Variants in CUL1 observed in about 807,000 individuals in gnomAD.
CUL1 encodes the protein cullin 1, also known as cullin-1.
CUL1 carries 24 observed loss-of-function variants against 118.0 expected under a neutral mutation model. The ratio of observed to expected loss-of-function variants is 0.20; its 90% CI spans 0.15 to 0.29. The LOEUF (loss-of-function observed/expected upper bound fraction) is 0.29. Among genes scored for constraint, CUL1 ranks in the 10% least tolerant of loss-of-function variants. CUL1 has a pLI of 1.00. For synonymous variants in CUL1, 332 were observed against 340.4 expected (o/e 0.98, Z 0.27); for missense variants, 361 against 933.8 (o/e 0.39, Z 7.99).
At chr7:148,713,619 G>A (rs10046566) in intron 1 of CUL1, among the ~76,000 whole-genome samples, 11,280 of 152,144 alleles carry the variant, frequency 0.074, 1,296 homozygotes, top group African/African-American at 0.25. Flanking sequence ...GATGTTTATA[G>A]GAGAAAATTC....
intron 1 of CUL1, among the ~76,000 whole-genome samples, chr7:148,726,844 A>T (rs1004090252): frequency 4.6e-5 from 7 of 150,978 alleles, no homozygotes; most frequent in African/African-American, 1.7e-4. Flanking sequence ...AAAAAAAAAA[A>T]AAAAAATTTT....
intron 1 of CUL1, among the ~76,000 whole-genome samples, chr7:148,703,310 A>G (rs1018035166): frequency 8.5e-5 from 13 of 152,216 alleles, no homozygotes; most frequent in African/African-American, 2.2e-4. Flanking sequence ...AGACACGAAC[A>G]GTTCTGGAAC....
chr7:148,798,464 C>A, intron 19 of CUL1, 108 bp from the exon 20 acceptor site: 2 of 742,150 alleles, frequency 2.7e-6, no homozygotes, highest in Non-Finnish European at 2.3e-6. Flanking sequence ...ACATTCTCCC[C>A]TCTGTCTAGG....
At chr7:148,784,680 GT>G (rs1433392720) in intron 11 of CUL1, among the ~76,000 whole-genome samples, 1 of 152,106 alleles carries the variant, frequency 6.6e-6, no homozygotes, top group African/African-American at 2.4e-5. Context: ...ACAACAATAA[GT>G]TTTAAAGATT....
At chr7:148,710,371 A>G (rs953847848) in intron 1 of CUL1, among the ~76,000 whole-genome samples, 5 of 152,086 alleles carry the variant, frequency 3.3e-5, no homozygotes, top group Admixed American at 6.5e-5. Context: ...GGAGTTCGAG[A>G]CCAGCCTGAC....
At chr7:148,784,540 A>T (rs947741877) in intron 11 of CUL1, among the ~76,000 whole-genome samples, 1 of 152,220 alleles carries the variant, frequency 6.6e-6, no homozygotes, top group South Asian at 2.1e-4. Flanking sequence ...GCAATATAAT[A>T]TATAGCTTTC....
Position 148,787,811 on chromosome 7 carries a change from C to G in CUL1, c.1479+691C>G, listed in dbSNP as rs1001726400. ...ACTTTGCTGTCACGCAGCCCTTCCT[C>G]TGCCACCTCCTTTGCGTGCCTGTGT... On this transcript the variant is annotated intron_variant, in intron 13 of 21. Coordinates refer to ENST00000325222, the MANE Select transcript of CUL1 (RefSeq NM_003592.3). The surrounding 1 kb of genome is among the most constrained non-coding windows in gnomAD (Gnocchi z 5.5). Among the ~76,000 whole-genome samples, 1 of 152,244 alleles carries G rather than the reference C, an allele frequency of 6.6e-6. No individual in the cohort carries two copies. The highest frequency in any genetic ancestry group is 1.5e-5 in the Non-Finnish European group (1 of 68,044).
At chr7:148,781,449 T>G (rs1800629762) in intron 9 of CUL1, among the ~76,000 whole-genome samples, 1 of 152,216 alleles carries the variant, frequency 6.6e-6, no homozygotes, top group African/African-American at 2.4e-5. Flanking sequence ...CCAGCCAGAC[T>G]GCTGTAGTTG....
rs549655590 is a variant in CUL1 at position 148,705,342 on chromosome 7, TTAAGA to T, written c.-162+6319_-162+6323del. Among the ~76,000 whole-genome samples the T allele has an allele frequency of 2.4e-4, 37 of 152,336 alleles. 1 individual carries two copies. In the South Asian group the frequency reaches 7.7e-3, roughly 32 times the overall value. ...ATCTTTAAACTTAATGTCATTATGC[TTAAGA>T]TAAGAATTTGCTAAAAATTAGAAAA... is the stretch of plus-strand genomic sequence containing the variant. On this transcript the variant is annotated intron_variant, in intron 1 of 21. Coordinates refer to ENST00000325222, the MANE Select transcript of CUL1 (RefSeq NM_003592.3).
intron 1 of CUL1, among the ~76,000 whole-genome samples, chr7:148,708,445 C>G (rs1458717037): frequency 6.6e-6 from 1 of 152,240 alleles, no homozygotes; most frequent in African/African-American, 2.4e-5. Context: ...ATACCTTCCT[C>G]TTTGGCCCCG....
intron 1 of CUL1, among the ~76,000 whole-genome samples, chr7:148,721,095 T>G (rs1798381719): frequency 1.3e-5 from 2 of 152,236 alleles, no homozygotes; most frequent in South Asian, 4.1e-4. Context: ...GAGCTTGAAC[T>G]TTCCAGTCTC....
chr7:148,788,822 C>T (rs958766541), intron 14 of CUL1, 148 bp downstream of exon 14: 13 of 647,844 alleles, frequency 2.0e-5, no homozygotes, highest in Non-Finnish European at 2.7e-5. Context: ...AATGCCCAGC[C>T]CTCCTCCCCC....
intron 9 of CUL1, among the ~76,000 whole-genome samples, chr7:148,781,948 T>C (rs908236207): frequency 6.6e-6 from 1 of 152,228 alleles, no homozygotes; most frequent in African/African-American, 2.4e-5. Flanking sequence ...GGAAGCAAAT[T>C]GAGTCCTTCA....
At chr7:148,744,032 T>A (rs1799229898) in intron 2 of CUL1, among the ~76,000 whole-genome samples, 1 of 152,248 alleles carries the variant, frequency 6.6e-6, no homozygotes, top group Non-Finnish European at 1.5e-5. Context: ...TTTTTATCCC[T>A]GGTAGTAATT....
chr7:148,738,959 G>T (rs571530667), intron 2 of CUL1, among the ~76,000 whole-genome samples: 4 of 152,278 alleles, frequency 2.6e-5, no homozygotes, highest in East Asian at 3.9e-4. Context: ...TGGCATTGTG[G>T]GGGGCGGTGG....
chr7:148,710,185 CAAAT>C (rs763225030), intron 1 of CUL1, among the ~76,000 whole-genome samples: 87 of 152,276 alleles, frequency 5.7e-4, no homozygotes, highest in Non-Finnish European at 1.0e-3. Context: ...CTTAGGGTGA[CAAAT>C]AAATACAAAT....
At chr7:148,758,687 C>A (rs769823131) in intron 4 of CUL1, among the ~76,000 whole-genome samples, 28 of 152,208 alleles carry the variant, frequency 1.8e-4, no homozygotes, top group Admixed American at 5.2e-4. Flanking sequence ...GCTCCAGTTT[C>A]TATACCAAAA....
chr7:148,788,344 C>G (rs538775722), intron 13 of CUL1, among the ~76,000 whole-genome samples: 2 of 152,296 alleles, frequency 1.3e-5, no homozygotes, highest in South Asian at 4.1e-4. Context: ...GTGAACACTT[C>G]ACTGTGCAAC....
chr7:148,743,791 G>A (rs1289880593), intron 2 of CUL1, among the ~76,000 whole-genome samples: 1 of 152,170 alleles, frequency 6.6e-6, no homozygotes, highest in Non-Finnish European at 1.5e-5. Flanking sequence ...AGCCGGTCAT[G>A]GTGGTGGGCG....
Sources: gnomAD v4.1 joint callset for allele counts (sites outside exome capture counted in the v4.1 genomes callset) on GRCh38, gnomAD v4.1.1 for gene constraint, Gnocchi (gnomAD v3.1) non-coding constraint, MANE v1.5 for transcripts, NCBI Gene and HGNC (gene_info 2026-07-23, HGNC 2026-07-21) for gene names.